The following CNMD variants were observed in gnomAD, a reference collection of about 807,000 sequenced individuals.
The protein encoded by CNMD is chondromodulin.
In CNMD, 30 loss-of-function variants were observed where a neutral mutation model predicts 37.5. The observed-to-expected ratio is 0.80, with a 90% CI of 0.60 to 1.09. The LOEUF is 1.09. Ranked by LOEUF, CNMD falls within the 50% of genes least tolerant of loss-of-function variation. CNMD has a pLI of 0.00. For synonymous variants in CNMD, 167 were observed against 148.2 expected (o/e 1.13, Z -0.92); for missense variants, 398 against 423.9 (o/e 0.94, Z 0.54).
chr13:52,739,422 C>T lies in CNMD; in HGVS notation c.72+208G>A, dbSNP rs1964845579. The T allele has an allele frequency of 4.5e-6, 3 of 666,224 alleles. No homozygotes were observed. The highest frequency in any genetic ancestry group is 5.1e-6 in the Non-Finnish European group (2 of 389,770). The allele number at this position is 666,224 out of a possible 1,614,324, so 41.3% of individuals were successfully genotyped here. On this transcript the variant is annotated intron_variant, in intron 1 of 6. Coordinates refer to ENST00000377962, the MANE Select transcript of CNMD (RefSeq NM_007015.3). The surrounding 1 kb of genome is among the most constrained non-coding windows in gnomAD (Gnocchi z 5.4). ...CCCAGGACCTGCACCCTCTACCGGC[C>T]ACGGGACGTCCCTCCGCACCCGCCT...
Position 52,708,643 on chromosome 13 carries a change from G to C in CNMD, c.682C>G (p.Pro228Ala). The C allele has an allele frequency of 6.2e-7, 1 of 1,613,372 alleles. No individual in the cohort carries two copies. Among genetic ancestry groups the C allele is most frequent in the Non-Finnish European group, 8.5e-7 (1 of 1,179,766 alleles). ...RKIVPTTTKRPHSGPRSNPGA... is the reference protein window; with the variant it reads ...RKIVPTTTKRAHSGPRSNPGA... ...GGGTTGCTCCGTGGTCCACTGTGTG[G>C]TCTTTTTGTGGTAGTTGGAACAATT... The change falls in exon 6 of 7, where the codon CCA becomes GCA. Residue 228 changes from proline (P) to alanine (A), a missense_variant. Transcript: ENST00000377962.
chr13:52,714,944 C>T (rs1301958544), intron 4 of CNMD, among the ~76,000 whole-genome samples: 1 of 152,122 alleles, frequency 6.6e-6, no homozygotes, highest in Non-Finnish European at 1.5e-5. Context: ...GTTACTTATT[C>T]AACATATGGC....
chr13:52,722,279 G>A (rs1415822106), intron 4 of CNMD, among the ~76,000 whole-genome samples: 1 of 152,114 alleles, frequency 6.6e-6, no homozygotes, highest in Non-Finnish European at 1.5e-5. Flanking sequence ...TTTAGCTTTT[G>A]TGTTGTTCTG....
intron 2 of CNMD, among the ~76,000 whole-genome samples, chr13:52,736,139 GCC>G (rs1964758397): frequency 6.6e-6 from 1 of 152,028 alleles, no homozygotes; most frequent in Non-Finnish European, 1.5e-5. Context: ...GACTGCAGGT[GCC>G]CGCCACCAGG....
In CNMD at chr13:52,703,822, AAGAT is replaced by A. The variant is rs774564595; in HGVS notation, c.790-16_790-13del. On this transcript the variant is annotated splice_polypyrimidine_tract_variant and intron_variant, in intron 6 of 6. Coordinates refer to ENST00000377962, the MANE Select transcript of CNMD (RefSeq NM_007015.3). ...TCCCCTTCCTGCTGCTGTGAAATAA[AAGAT>A]AATTATTTGTGATAACTGCATAGTG... 53 of 1,601,622 alleles carry A rather than the reference AAGAT, an allele frequency of 3.3e-5. No individual in the cohort carries two copies. Among genetic ancestry groups the A allele is most frequent in the Non-Finnish European group, 4.4e-5 (52 of 1,169,054 alleles).
At chr13:52,714,933 TG>T (rs1428096701) in intron 4 of CNMD, among the ~76,000 whole-genome samples, 5 of 152,186 alleles carry the variant, frequency 3.3e-5, no homozygotes, top group African/African-American at 1.2e-4. Flanking sequence ...TGTCATGACA[TG>T]TTACTTATTC....
At chr13:52,728,829 T>A (rs910378899) in intron 3 of CNMD, among the ~76,000 whole-genome samples, 2 of 152,140 alleles carry the variant, frequency 1.3e-5, no homozygotes, top group African/African-American at 4.8e-5. Flanking sequence ...CAGTGAGAAC[T>A]GAAACCCCCA....
chr13:52,714,468 C>T (rs184092516), intron 4 of CNMD, among the ~76,000 whole-genome samples: 24 of 152,222 alleles, frequency 1.6e-4, no homozygotes, highest in African/African-American at 5.8e-4. Flanking sequence ...AAACACAGGA[C>T]AAATAATCTA....
chr13:52,714,005 C>T (rs1451675996), intron 4 of CNMD, among the ~76,000 whole-genome samples: 1 of 152,164 alleles, frequency 6.6e-6, no homozygotes, highest in East Asian at 1.9e-4. Context: ...GAGACACTTG[C>T]TTTCTCTAGT....
At chr13:52,719,002 T>C (rs1240282340) in intron 4 of CNMD, among the ~76,000 whole-genome samples, 1 of 152,216 alleles carries the variant, frequency 6.6e-6, no homozygotes. Context: ...TTTATGAATC[T>C]GGGTGCTCCT....
chr13:52,731,252 G>C (rs914911436), intron 3 of CNMD, among the ~76,000 whole-genome samples: 3 of 152,166 alleles, frequency 2.0e-5, no homozygotes. Context: ...ATGTCTGTGT[G>C]TACGTCTGCC....
intron 4 of CNMD, among the ~76,000 whole-genome samples, chr13:52,721,675 A>G (rs1964485099): frequency 6.6e-6 from 1 of 152,226 alleles, no homozygotes; most frequent in African/African-American, 2.4e-5. Context: ...TTGGAAATGC[A>G]GAAATCACCT....
chr13:52,722,340 T>C (rs1348216624), intron 4 of CNMD, among the ~76,000 whole-genome samples: 1 of 152,208 alleles, frequency 6.6e-6, no homozygotes, highest in Admixed American at 6.5e-5. Flanking sequence ...AATCAGGCAG[T>C]TTCCAGGCGC....
At position 52,712,812 on chromosome 13, in the gene CNMD, C is replaced by G. The variant is rs755394845; in HGVS notation, c.526G>C (p.Asp176His). The change falls in exon 5 of 7, where the codon GAT becomes CAT. Residue 176 changes from aspartate (D) to histidine (H), a missense_variant. By Grantham distance (81) the Asp-to-His change is moderately conservative. Coordinates refer to ENST00000377962, the MANE Select transcript of CNMD (RefSeq NM_007015.3). ...EENSLIWVAVDQPVKDNSFLS... is the reference protein window; with the variant it reads ...EENSLIWVAVHQPVKDNSFLS... ...AAGCTGTTGTCCTTCACAGGCTGAT[C>G]TACAGCCACCCAGATAAGAGAATTT... 6.3e-7 allele frequency: 1 copy of G among 1,593,810 alleles called. No individual in the cohort carries two copies. The highest frequency in any genetic ancestry group is 8.5e-7 in the Non-Finnish European group (1 of 1,170,074).
At chr13:52,710,646 A>G (rs962852974) in intron 5 of CNMD, among the ~76,000 whole-genome samples, 5 of 152,250 alleles carry the variant, frequency 3.3e-5, no homozygotes, top group Non-Finnish European at 7.3e-5. Context: ...ATTGTAAAAT[A>G]TAACTGTACT....
intron 4 of CNMD, among the ~76,000 whole-genome samples, chr13:52,720,959 C>T (rs918884022): frequency 2.0e-5 from 3 of 152,198 alleles, no homozygotes; most frequent in African/African-American, 7.2e-5. Context: ...TATCTATAAG[C>T]CCGACTGGGG....
intron 6 of CNMD, among the ~76,000 whole-genome samples, chr13:52,706,596 A>G (rs1566216439): frequency 6.6e-6 from 1 of 152,216 alleles, no homozygotes; most frequent in South Asian, 2.1e-4. Flanking sequence ...ATTTCTGTAC[A>G]TTTATGTATA....
In CNMD at chr13:52,736,290, G is replaced by A. The variant is rs938898198; in HGVS notation, c.213+2741C>T. 3.9e-5 allele frequency among the ~76,000 whole-genome samples: 6 copies of A among 152,292 alleles called. No homozygotes were observed. The East Asian group carries it at 5.8e-4, about 15-fold the overall frequency. On this transcript the variant is annotated intron_variant, in intron 2 of 6. Transcript: ENST00000377962. ...ATTACAGGCGTGAGCCACCGCGCCC[G>A]GCCTTTATTTGCATTTTTAGTAGAG...
intron 3 of CNMD, among the ~76,000 whole-genome samples, chr13:52,732,849 G>T (rs1566231743): frequency 6.6e-6 from 1 of 152,010 alleles, no homozygotes; most frequent in Non-Finnish European, 1.5e-5. Flanking sequence ...ATGGTATTGT[G>T]GTTTTTTTCT....
Sources: gnomAD v4.1 joint callset for allele counts (sites outside exome capture counted in the v4.1 genomes callset) on GRCh38, gnomAD v4.1.1 for gene constraint, Gnocchi (gnomAD v3.1) non-coding constraint, MANE v1.5 for transcripts, NCBI Gene and HGNC (gene_info 2026-07-23, HGNC 2026-07-21) for gene names.